Variants in KIF4A observed in about 807,000 individuals in gnomAD.
KIF4A encodes kinesin family member 4A, also known as chromosome-associated kinesin KIF4A.
A neutral mutation model predicts 105.9 loss-of-function variants in KIF4A; 7 were observed. The ratio of observed to expected loss-of-function variants is 0.07; its 90% confidence interval spans 0.04 to 0.12. The LOEUF is 0.12. KIF4A is among the 10% of genes least tolerant of loss of function. The probability of loss-of-function intolerance (pLI) is 1.00; values close to 1 mark genes in which losing one functional copy is unlikely to be tolerated. For missense variants in KIF4A, 558 were observed against 929.2 expected (o/e 0.60, Z 5.19); for synonymous variants, 281 against 331.3 (o/e 0.85, Z 1.65).
chrX:70,417,773 T>C (rs188957138), intron 28 of KIF4A, 115 bp from the exon 29 acceptor site: 4 of 487,144 alleles, frequency 8.2e-6, no homozygotes, highest in East Asian at 7.3e-5. Flanking sequence ...TGAAGCTTGG[T>C]AGATAATAGT....
intron 3 of KIF4A, among the ~76,000 whole-genome samples, chrX:70,292,724 C>T (rs891821429): frequency 8.9e-6 from 1 of 111,988 alleles, no homozygotes; most frequent in Non-Finnish European, 1.9e-5. Flanking sequence ...ATTCCTGAAA[C>T]AATATGCTTT....
chrX:70,305,228 A>G (rs2085822261), intron 7 of KIF4A, among the ~76,000 whole-genome samples: 1 of 111,773 alleles, frequency 8.9e-6, no homozygotes, highest in Admixed American at 9.5e-5. Flanking sequence ...TAAAGTATAC[A>G]TTTCACTGAT....
intron 15 of KIF4A, among the ~76,000 whole-genome samples, chrX:70,370,484 A>G (rs1390448627): frequency 1.9e-5 from 2 of 108,099 alleles, no homozygotes; most frequent in Non-Finnish European, 3.8e-5. Context: ...TATGTAATAT[A>G]GAATATATGA....
At chrX:70,405,631 G>A (rs2086297215) in intron 25 of KIF4A, among the ~76,000 whole-genome samples, 197 bp from the exon 26 acceptor site, 2 of 111,310 alleles carry the variant, frequency 1.8e-5, no homozygotes. Context: ...CTGCTGGGGA[G>A]CATTGGAATG....
At chrX:70,307,366 T>A (rs994124499) in intron 7 of KIF4A, among the ~76,000 whole-genome samples, 22 of 111,576 alleles carry the variant, frequency 2.0e-4, no homozygotes, top group African/African-American at 6.8e-4. Context: ...ATAGATGCTT[T>A]AGGATTTCTG....
chrX:70,298,010 C>T (rs1042350179), intron 4 of KIF4A, among the ~76,000 whole-genome samples: 2 of 110,584 alleles, frequency 1.8e-5, no homozygotes, highest in East Asian at 5.8e-4. Flanking sequence ...GTGGTTCACG[C>T]CTGTAATCCC....
Position 70,395,977 on chromosome X carries a change from G to A in KIF4A, c.2417G>A (p.Arg806His), listed in dbSNP as rs185542197. 1.6e-5 allele frequency: 19 copies of A among 1,207,476 alleles called. No homozygotes were observed. The highest frequency in any genetic ancestry group is 2.3e-4 in the Middle Eastern group (1 of 4,351). ...RRRTFSLTEV[R>H]GQVSESEDSI... is the part of the protein sequence containing the mutation. ...CGTACATTCTCCCTTACTGAAGTGC[G>A]TGGTCAAGTTTCGGAGTCAGAAGAT... The change falls in exon 22 of 31, where the codon CGT becomes CAT. Residue 806 changes from arginine (R) to histidine (H), a missense_variant. This residue lies in a region of KIF4A where 469 missense variants were observed against 680.4 expected (regional missense o/e 0.69). Coordinates refer to ENST00000374403, the MANE Select transcript of KIF4A (RefSeq NM_012310.5).
intron 13 of KIF4A, among the ~76,000 whole-genome samples, chrX:70,348,212 G>A (rs890561851): frequency 2.7e-5 from 3 of 110,418 alleles, no homozygotes; most frequent in Non-Finnish European, 5.7e-5. Flanking sequence ...GAGAGACCGA[G>A]GCAGGTGGAA....
At chrX:70,321,293 A>G (rs867452517) in intron 7 of KIF4A, among the ~76,000 whole-genome samples, 1 of 112,218 alleles carries the variant, frequency 8.9e-6, no homozygotes, top group Non-Finnish European at 1.9e-5. Flanking sequence ...CAAACCATCT[A>G]CAACATAGCC....
chrX:70,368,669 G>A (rs1479582202), intron 15 of KIF4A, among the ~76,000 whole-genome samples: 1 of 112,100 alleles, frequency 8.9e-6, no homozygotes, highest in Non-Finnish European at 1.9e-5. Flanking sequence ...CCTGGGGGGT[G>A]CCTCCCAGTT....
At chrX:70,392,958 CTT>C (rs760042042) in intron 20 of KIF4A, among the ~76,000 whole-genome samples, 1 of 90,575 alleles carries the variant, frequency 1.1e-5, no homozygotes, top group African/African-American at 3.8e-5. Flanking sequence ...CCTCCTGGAT[CTT>C]TTTTTTTTTT....
intron 4 of KIF4A, among the ~76,000 whole-genome samples, chrX:70,297,933 G>A (rs750528309): frequency 1.7e-4 from 19 of 111,339 alleles, no homozygotes; most frequent in Non-Finnish European, 3.4e-4. Flanking sequence ...ATGCTAACAG[G>A]TAAAGAGATG....
At chrX:70,323,083 G>A (rs1045295381) in intron 7 of KIF4A, among the ~76,000 whole-genome samples, 7 of 110,672 alleles carry the variant, frequency 6.3e-5, no homozygotes. Flanking sequence ...GCCATACTGA[G>A]TGTGCCTCGT....
chrX:70,360,686 C>G (rs1201445726), intron 15 of KIF4A, among the ~76,000 whole-genome samples: 1 of 113,036 alleles, frequency 8.8e-6, no homozygotes. Flanking sequence ...ATCCAACTGG[C>G]TCGTCCTAGC....
chrX:70,290,248 G>T, intron 1 of KIF4A, 98 bp downstream of exon 1: 1 of 405,252 alleles, frequency 2.5e-6, no homozygotes, highest in Non-Finnish European at 4.0e-6. Flanking sequence ...TTTTTTCTTT[G>T]CCTTTCAGAA....
At chrX:70,374,969 C>T (rs1014388819) in intron 16 of KIF4A, among the ~76,000 whole-genome samples, 8 of 112,055 alleles carry the variant, frequency 7.1e-5, no homozygotes, top group African/African-American at 1.3e-4. Flanking sequence ...AAAGGGGCGG[C>T]GTATATTGAG....
At chrX:70,360,917 A>G (rs2086072759) in intron 15 of KIF4A, among the ~76,000 whole-genome samples, 1 of 112,818 alleles carries the variant, frequency 8.9e-6, no homozygotes, top group South Asian at 3.7e-4. Context: ...CGAGTCCAGA[A>G]AGAGGAGGGC....
chrX:70,304,153 T>C (rs1462113140), intron 7 of KIF4A, among the ~76,000 whole-genome samples: 86 of 92,420 alleles, frequency 9.3e-4, no homozygotes, highest in Non-Finnish European at 1.6e-3. Context: ...TGTGTTCTCA[T>C]TGTGCAATTC....
intron 17 of KIF4A, 112 bp from the exon 18 acceptor site, chrX:70,375,988 T>G: frequency 2.1e-6 from 1 of 477,341 alleles, no homozygotes; most frequent in Non-Finnish European, 3.6e-6. Flanking sequence ...GGGGACTGCT[T>G]TCCCAGCCTA....
Sources: allele counts gnomAD v4.1 joint callset (sites outside exome capture counted in the v4.1 genomes callset), GRCh38; gene constraint gnomAD v4.1.1; regional missense constraint gnomAD v4.1.1; transcripts MANE v1.5; gene names NCBI Gene and HGNC (gene_info 2026-07-23, HGNC 2026-07-21).